The following YTHDF1 variants were observed in gnomAD, a reference collection of about 807,000 sequenced individuals.
The protein encoded by YTHDF1 is YTH N6-methyladenosine RNA binding protein F1.
Under a neutral mutation model 49.1 loss-of-function variants are expected in YTHDF1, and 16 were observed. That is an observed-to-expected ratio of 0.33 (90% CI 0.22 to 0.49). The LOEUF (loss-of-function observed/expected upper bound fraction) is 0.49, where lower values mean the gene tolerates loss of function less well. Among genes scored for constraint, YTHDF1 ranks in the 20% least tolerant of loss-of-function variants. YTHDF1 has a pLI of 0.99. For synonymous variants in YTHDF1, 313 were observed against 290.1 expected, an observed-to-expected ratio of 1.08 and a Z score of -0.80; for missense variants, 621 against 744.3, an observed-to-expected ratio of 0.83 and a Z score of 1.93.
chr20:63,203,754 C>T lies in YTHDF1; in HGVS notation c.186G>A (p.Pro62=), dbSNP rs199605151. 2.6e-5 allele frequency: 42 copies of T among 1,613,968 alleles called. No individual in the cohort carries two copies. Among genetic ancestry groups the T allele is most frequent in the Non-Finnish European group, 3.1e-5 (37 of 1,179,898 alleles). ...SDPYLSSYYP[P]SIGFPYSLNE... is the part of the protein sequence containing the mutation. ...TGAGGGAGTAAGGAAATCCAATGGACGGCGGGTAATAGCTGGACAGGTAGG... is the reference window on the plus strand; with the variant it reads ...TGAGGGAGTAAGGAAATCCAATGGATGGCGGGTAATAGCTGGACAGGTAGG... The change falls in exon 4 of 5, where the codon CCG becomes CCA. Residue 62 remains proline, a synonymous_variant. Transcript: ENST00000370339. This position sits in a 1 kb window ranked among gnomAD's most constrained non-coding sequence, Gnocchi z 4.4.
At chr20:63,204,180 C>T (rs767392556) in intron 3 of YTHDF1, among the ~76,000 whole-genome samples, 4 of 152,198 alleles carry the variant, frequency 2.6e-5, no homozygotes, top group Non-Finnish European at 4.4e-5. Context: ...ATGACAGACA[C>T]GGACGGCATC....
At position 63,202,691 on chromosome 20, in the gene YTHDF1, C is replaced by T. The variant is rs1185840710; in HGVS notation, c.1249G>A (p.Gly417Ser). Residue 417 changes from glycine (G) to serine (S), a missense_variant, in exon 4 of 5, where the codon GGC becomes AGC. By Grantham distance (56) the Gly-to-Ser change is moderately conservative. Around this residue, in one of 2 missense-constraint regions of YTHDF1, gnomAD observed 151 missense variants for 248.5 expected, o/e 0.61. Transcript: ENST00000370339. The stretch of plus-strand genomic sequence containing the variant: ...AAGGCGCTGTCCAGGCGCTTGTTGC[C>T]GTGCTCTGTGCTACACCAGATGGAG... ...KYSIWCSTEH[G>S]NKRLDSAFRC... is the part of the protein sequence containing the mutation. 6.2e-7 allele frequency: 1 copy of T among 1,614,078 alleles called. No individual in the cohort carries two copies. Among genetic ancestry groups the T allele is most frequent in the East Asian group, 2.2e-5 (1 of 44,892 alleles).
chr20:63,211,397 C>T (rs1188190582), intron 3 of YTHDF1, among the ~76,000 whole-genome samples: 2 of 151,864 alleles, frequency 1.3e-5, no homozygotes, highest in Non-Finnish European at 2.9e-5. Context: ...CCTGGGAAGT[C>T]GAGGCTGCAG....
At chr20:63,214,609 C>T (rs2066592310) in intron 2 of YTHDF1, among the ~76,000 whole-genome samples, 2 of 152,254 alleles carry the variant, frequency 1.3e-5, no homozygotes, top group East Asian at 3.9e-4. Flanking sequence ...GGCGGGACAA[C>T]TTGAAGCAGG....
At chr20:63,208,867 G>A (rs930795485) in intron 3 of YTHDF1, among the ~76,000 whole-genome samples, 1 of 152,172 alleles carries the variant, frequency 6.6e-6, no homozygotes, top group Non-Finnish European at 1.5e-5. Context: ...ATGAGGCATT[G>A]TGTTCAGTGA....
At chr20:63,213,159 C>T (rs1238071833) in intron 3 of YTHDF1, among the ~76,000 whole-genome samples, 2 of 152,220 alleles carry the variant, frequency 1.3e-5, no homozygotes, top group African/African-American at 2.4e-5. Flanking sequence ...AGGCTGGGCG[C>T]GGTGCCTCAC....
intron 3 of YTHDF1, among the ~76,000 whole-genome samples, chr20:63,213,658 G>A (rs1009312359): frequency 6.6e-6 from 1 of 152,152 alleles, no homozygotes; most frequent in Non-Finnish European, 1.5e-5. Flanking sequence ...GTGGGATGCC[G>A]CCTCCTCCAC....
chr20:63,200,790 C>T (rs945714810), intron 4 of YTHDF1, among the ~76,000 whole-genome samples: 13 of 152,150 alleles, frequency 8.5e-5, no homozygotes, highest in African/African-American at 2.7e-4. Flanking sequence ...AAAAACTGTG[C>T]GCGCACACAC....
At chr20:63,213,799 C>A in intron 3 of YTHDF1, 65 bp downstream of exon 3, 2 of 1,387,660 alleles carry the variant, frequency 1.4e-6, no homozygotes, top group Non-Finnish European at 2.0e-6. Flanking sequence ...TCAGAAATGA[C>A]AGTAAAGGTA....
At chr20:63,200,865 C>A (rs6090295) in intron 4 of YTHDF1, among the ~76,000 whole-genome samples, 46,895 of 151,970 alleles carry the variant, frequency 0.31, 7,208 homozygotes, top group Middle Eastern at 0.42. Flanking sequence ...ATCCCTGCAA[C>A]TTTAGCAATT....
intron 3 of YTHDF1, among the ~76,000 whole-genome samples, chr20:63,206,164 G>A (rs1275817211): frequency 6.6e-6 from 1 of 152,220 alleles, no homozygotes; most frequent in East Asian, 1.9e-4. Flanking sequence ...AGCTGGACAC[G>A]TGCTCCTCAG....
intron 4 of YTHDF1, among the ~76,000 whole-genome samples, chr20:63,200,949 G>A (rs1371582984): frequency 1.3e-5 from 2 of 151,972 alleles, no homozygotes; most frequent in Non-Finnish European, 1.5e-5. Context: ...GAAGGCTAAG[G>A]CAGGACAATC....
rs768838026 is a variant in YTHDF1, at chr20:63,203,728, T to C, written c.212A>G (p.Asn71Ser). 157 of 1,614,054 alleles carry C rather than the reference T, an allele frequency of 9.7e-5. 1 individual carries two copies. The highest frequency in any genetic ancestry group is 8.8e-4 in the South Asian group (80 of 91,076). The part of the protein sequence containing the change: ...PPSIGFPYSL[N>S]EAPWSTAGDP... Reference sequence around the variant, plus strand: ...CCCTGCAGTAGACCACGGAGCCTCATTGAGGGAGTAAGGAAATCCAATGGA... The same window carrying C: ...CCCTGCAGTAGACCACGGAGCCTCACTGAGGGAGTAAGGAAATCCAATGGA... Residue 71 changes from asparagine (N) to serine (S), a missense_variant, in exon 4 of 5, where the codon AAT becomes AGT. This residue lies in a region of YTHDF1 where 470 missense variants were observed against 495.8 expected (regional missense o/e 0.95). Coordinates refer to ENST00000370339, the MANE Select transcript of YTHDF1 (RefSeq NM_017798.4). The surrounding 1 kb of genome is among the most constrained non-coding windows in gnomAD (Gnocchi z 4.4).
chr20:63,215,954 CG>C lies in YTHDF1; in HGVS notation c.-63del. ...GCCGGCTCGGGCCTCCCCTAGAGGCCGGGCCTGTCACCCTAGCTCGCGCGGC... is the reference window on the plus strand; with the variant it reads ...GCCGGCTCGGGCCTCCCCTAGAGGCCGGCCTGTCACCCTAGCTCGCGCGGC... On this transcript the variant is annotated 5_prime_UTR_variant, in exon 1 of 5. Transcript: ENST00000370339. The C allele has an allele frequency of 8.1e-7, 1 of 1,239,420 alleles. No homozygotes were observed. The highest frequency in any genetic ancestry group is 1.0e-6 in the Non-Finnish European group (1 of 986,740). 76.8% of individuals were successfully genotyped at this position (1,239,420 alleles called of 1,614,324 possible).
intron 3 of YTHDF1, among the ~76,000 whole-genome samples, chr20:63,206,830 T>C (rs1312237041): frequency 6.6e-6 from 1 of 151,198 alleles, no homozygotes; most frequent in African/African-American, 2.5e-5. Flanking sequence ...AGTCATTCTG[T>C]ACATAAGAAA....
chr20:63,212,558 G>A (rs2066579989), intron 3 of YTHDF1, among the ~76,000 whole-genome samples: 1 of 152,258 alleles, frequency 6.6e-6, no homozygotes, highest in South Asian at 2.1e-4. Context: ...GCTCACCAAA[G>A]TGAGGAGCTC....
At chr20:63,205,391 C>T (rs1429636441) in intron 3 of YTHDF1, among the ~76,000 whole-genome samples, 2 of 152,202 alleles carry the variant, frequency 1.3e-5, no homozygotes, top group African/African-American at 2.4e-5. Flanking sequence ...ACCAATGACC[C>T]GGCCACCACT....
chr20:63,204,829 A>G (rs1020223510), intron 3 of YTHDF1, among the ~76,000 whole-genome samples: 2 of 152,048 alleles, frequency 1.3e-5, no homozygotes, highest in Admixed American at 6.5e-5. Context: ...GGAGAGACTC[A>G]ACTAAGGGTC....
At chr20:63,202,154 G>A in intron 4 of YTHDF1, 133 bp downstream of exon 4, 2 of 1,260,616 alleles carry the variant, frequency 1.6e-6, no homozygotes, top group Non-Finnish European at 2.2e-6. Flanking sequence ...CCCACCTGCG[G>A]CCAACTGGGA....
Sources: allele counts gnomAD v4.1 joint callset (sites outside exome capture counted in the v4.1 genomes callset), GRCh38; gene constraint gnomAD v4.1.1; regional missense constraint gnomAD v4.1.1; non-coding constraint Gnocchi (gnomAD v3.1); transcripts MANE v1.5; gene names NCBI Gene and HGNC (gene_info 2026-07-23, HGNC 2026-07-21).